The following PLA2R1 variants were observed in gnomAD, a reference collection of about 807,000 sequenced individuals.
The protein encoded by PLA2R1 is phospholipase A2 receptor 1.
A neutral mutation model predicts 195.9 loss-of-function variants in PLA2R1; 158 were observed. The ratio of observed to expected loss-of-function variants is 0.81; its 90% CI spans 0.71 to 0.92. The LOEUF is 0.92. Ranked by LOEUF, PLA2R1 falls within the 40% of genes least tolerant of loss-of-function variation. The probability of loss-of-function intolerance (pLI) is 0.00; values close to 1 mark genes in which losing one functional copy is unlikely to be tolerated. For synonymous variants in PLA2R1, 586 were observed against 598.2 expected, an observed-to-expected ratio of 0.98 and a Z score of 0.30; for missense variants, 1,626 against 1,764.6, an observed-to-expected ratio of 0.92 and a Z score of 1.41.
chr2:159,987,183 T>C lies in PLA2R1; in HGVS notation c.2010A>G (p.Ser670=). 6.2e-7 allele frequency: 1 copy of C among 1,614,050 alleles called. No individual in the cohort carries two copies. The highest frequency in any genetic ancestry group is 8.5e-7 in the Non-Finnish European group (1 of 1,179,904). The change falls in exon 12 of 30, where the codon TCA becomes TCG. Residue 670 remains serine (S), a synonymous_variant. Transcript: ENST00000283243. The stretch of plus-strand genomic sequence containing the variant: ...TGAAGCAACTGGCCAGACCAGGCTC[T>C]GACTCCCAGTCCAAATAGCAGGGGT... The part of the protein sequence containing the change: ...PFHPCYLDWE[S]EPGLASCFKV...
At chr2:159,946,210 T>A (rs2125921396) in intron 27 of PLA2R1, 1 of 924,144 alleles carries the variant, frequency 1.1e-6, no homozygotes, top group Non-Finnish European at 1.3e-6. Flanking sequence ...TTCTAAACAA[T>A]GTTGGTGATT....
chr2:159,973,256 C>T (rs1387465561), intron 17 of PLA2R1, among the ~76,000 whole-genome samples: 1 of 152,016 alleles, frequency 6.6e-6, no homozygotes, highest in Non-Finnish European at 1.5e-5. Flanking sequence ...CTATCACCAC[C>T]ACCAACAATA....
intron 4 of PLA2R1, among the ~76,000 whole-genome samples, chr2:160,032,622 A>C (rs1473982961): frequency 6.6e-6 from 1 of 152,226 alleles, no homozygotes; most frequent in Non-Finnish European, 1.5e-5. Flanking sequence ...TTATTAATGG[A>C]AATGGAATGG....
At chr2:160,009,238 G>A (rs766864849) in intron 10 of PLA2R1, among the ~76,000 whole-genome samples, 3 of 152,234 alleles carry the variant, frequency 2.0e-5, no homozygotes, top group African/African-American at 4.8e-5. Context: ...GCAGGGACTC[G>A]AAGGGTATTT....
intron 6 of PLA2R1, among the ~76,000 whole-genome samples, chr2:160,024,142 G>A (rs1297805807): frequency 2.0e-5 from 3 of 152,128 alleles, no homozygotes; most frequent in Admixed American, 6.6e-5. Flanking sequence ...TGTGGACTAT[G>A]GGTCTATTGC....
chr2:159,969,150 G>A, intron 19 of PLA2R1, 106 bp downstream of exon 19: 1 of 629,686 alleles, frequency 1.6e-6, no homozygotes. Context: ...ACTGAAAAGA[G>A]AAATAAACAG....
chr2:159,982,063 C>A (rs928782219), intron 13 of PLA2R1, among the ~76,000 whole-genome samples: 48 of 152,148 alleles, frequency 3.2e-4, no homozygotes, highest in African/African-American at 1.2e-3. Flanking sequence ...CTTACATAAA[C>A]AGAAATGACA....
chr2:159,928,326 C>G (rs145910417), downstream of PLA2R1, among the ~76,000 whole-genome samples: 1 of 152,176 alleles, frequency 6.6e-6, no homozygotes, highest in Non-Finnish European at 1.5e-5. Flanking sequence ...TATGCACCTC[C>G]TACAGCAATG....
chr2:159,969,749 GC>G (rs966408840), intron 18 of PLA2R1, among the ~76,000 whole-genome samples: 7 of 152,210 alleles, frequency 4.6e-5, no homozygotes, highest in African/African-American at 1.7e-4. Flanking sequence ...CTCCATGTTG[GC>G]CAGGCTGGTC....
intron 11 of PLA2R1, among the ~76,000 whole-genome samples, chr2:159,993,353 G>A (rs376481758): frequency 1.2e-4 from 18 of 151,880 alleles, no homozygotes; most frequent in African/African-American, 4.1e-4. Flanking sequence ...GGGAAATTTG[G>A]CATGAAAGAA....
chr2:160,016,500 T>G (rs1419197294), intron 9 of PLA2R1, 114 bp downstream of exon 9: 46 of 641,862 alleles, frequency 7.2e-5, no homozygotes, highest in African/African-American at 2.0e-4. Flanking sequence ...GAGAGAGAGA[T>G]GAAAGAGAGG....
chr2:159,986,589 C>CTTTTTTTTTTTTTTTTTT (rs113333927), intron 12 of PLA2R1, among the ~76,000 whole-genome samples: 1 of 142,312 alleles, frequency 7.0e-6, no homozygotes, highest in African/African-American at 2.6e-5. Flanking sequence ...CTTTTCTTTC[C>CTTTTTTTTTTTTTTTTTT]TTTTTTTTTT....
At chr2:160,033,324 C>A (rs1015004104) in intron 3 of PLA2R1, among the ~76,000 whole-genome samples, 192 bp from the exon 4 acceptor site, 3 of 152,164 alleles carry the variant, frequency 2.0e-5, no homozygotes, top group African/African-American at 7.2e-5. Context: ...TAAACTCTTT[C>A]ATGATTTACC....
chr2:159,997,459 A>C (rs913481732), intron 11 of PLA2R1, among the ~76,000 whole-genome samples: 1 of 152,064 alleles, frequency 6.6e-6, no homozygotes, highest in African/African-American at 2.4e-5. Context: ...CCTTGTTAAG[A>C]ACAGAATGCT....
At chr2:160,058,475 G>A (rs1695720660) in intron 1 of PLA2R1, among the ~76,000 whole-genome samples, 1 of 152,048 alleles carries the variant, frequency 6.6e-6, no homozygotes, top group African/African-American at 2.4e-5. Flanking sequence ...CACTACAGAA[G>A]GAAACTCTCC....
At chr2:159,998,936 C>A (rs1207917509) in intron 11 of PLA2R1, among the ~76,000 whole-genome samples, 2 of 152,084 alleles carry the variant, frequency 1.3e-5, no homozygotes, top group Non-Finnish European at 2.9e-5. Flanking sequence ...TTTCCTGTTG[C>A]CATGGTTTGA....
At chr2:160,006,221 G>A (rs557658331) in intron 10 of PLA2R1, among the ~76,000 whole-genome samples, 1 of 152,304 alleles carries the variant, frequency 6.6e-6, no homozygotes, top group East Asian at 1.9e-4. Flanking sequence ...GTGGGCAGGA[G>A]GGAGGAGGAA....
chr2:159,947,442 G>A lies in PLA2R1; in HGVS notation c.3827C>T (p.Ala1276Val), dbSNP rs1291430637. ...TVLDSMSFEA[A>V]HEFCKKEGSN... ...ACCTTCCTTTTTGCAAAATTCATGA[G>A]CAGCCTCAAAACTCATACTGTCTAG... The change falls in exon 26 of 30, where the codon GCT (alanine) becomes GTT (valine). Residue 1276 changes from alanine (A) to valine (V), a missense_variant. Coordinates refer to ENST00000283243, the MANE Select transcript of PLA2R1 (RefSeq NM_007366.5). The A allele has an allele frequency of 6.3e-7, 1 of 1,598,474 alleles. No homozygotes were observed. Among genetic ancestry groups the A allele is most frequent in the Non-Finnish European group, 8.5e-7 (1 of 1,175,490 alleles).
At chr2:159,969,219 T>A in intron 19 of PLA2R1, 37 bp downstream of exon 19, 1 of 1,010,000 alleles carries the variant, frequency 9.9e-7, no homozygotes, top group South Asian at 1.3e-5. Flanking sequence ...AATTATCAGT[T>A]TGTATTATAA....
Sources: gnomAD v4.1 joint callset for allele counts (sites outside exome capture counted in the v4.1 genomes callset) on GRCh38, gnomAD v4.1.1 for gene constraint, MANE v1.5 for transcripts, NCBI Gene and HGNC (gene_info 2026-07-23, HGNC 2026-07-21) for gene names.